Variants in ECT2L observed in about 807,000 individuals in gnomAD.
ECT2L encodes the protein epithelial cell transforming 2 like.
In ECT2L, 126 loss-of-function variants were observed where a neutral mutation model predicts 122.8. That is an observed-to-expected ratio of 1.03 (90% confidence interval 0.89 to 1.19). The LOEUF (loss-of-function observed/expected upper bound fraction) is 1.19. Among genes scored for constraint, ECT2L ranks in the 50% most tolerant of loss-of-function variants. The probability of loss-of-function intolerance (pLI) is 0.00; values close to 1 mark genes in which losing one functional copy is unlikely to be tolerated. For synonymous variants in ECT2L, 385 were observed against 381.8 expected (o/e 1.01, Z -0.10); for missense variants, 1,012 against 1,064.1 (o/e 0.95, Z 0.68).
intron 4 of ECT2L, among the ~76,000 whole-genome samples, chr6:138,824,575 C>CAAAAAA (rs1174829999): frequency 2.3e-5 from 3 of 130,216 alleles, no homozygotes; most frequent in East Asian, 2.6e-4. Context: ...AAACAAAAAA[C>CAAAAAA]AAAAACAAAA....
At chr6:138,855,660 A>T (rs1433829759) in intron 10 of ECT2L, among the ~76,000 whole-genome samples, 2 of 152,240 alleles carry the variant, frequency 1.3e-5, no homozygotes, top group African/African-American at 4.8e-5. Context: ...GGATGGTGTG[A>T]TCTCATTGTT....
intron 4 of ECT2L, among the ~76,000 whole-genome samples, chr6:138,824,220 G>T (rs894043963): frequency 6.6e-6 from 1 of 151,446 alleles, no homozygotes; most frequent in African/African-American, 2.4e-5. Context: ...AACCATTGGG[G>T]AAAACTGGGT....
Position 138,844,491 on chromosome 6 carries a change from C to A in ECT2L, c.675C>A (p.Arg225=), listed in dbSNP as rs540269282. ...SSVLKPRCQP[R]LSQTVRERVG... ...TGCTAAAGCCCAGATGCCAACCACG[C>A]CTCTCCCAGACTGTAAGGGAGCGAG... The change falls in exon 7 of 22, where the codon CGC becomes CGA. Residue 225 remains arginine (R), a synonymous_variant. Transcript: ENST00000541398. The A allele has an allele frequency of 2.5e-5, 40 of 1,614,132 alleles. No individual in the cohort carries two copies. The South Asian group carries it at 3.5e-4, about 14-fold the overall frequency.
At chr6:138,819,248 A>AG (rs1562456408) in intron 4 of ECT2L, among the ~76,000 whole-genome samples, 2 of 85,030 alleles carry the variant, frequency 2.4e-5, no homozygotes, top group African/African-American at 4.3e-5. Context: ...AAAAAAAAAA[A>AG]AAAGGAAATC....
chr6:138,861,491 CT>C (rs1261665888), intron 10 of ECT2L, among the ~76,000 whole-genome samples: 5 of 152,176 alleles, frequency 3.3e-5, no homozygotes, highest in African/African-American at 1.2e-4. Flanking sequence ...TGATGATGAG[CT>C]TTTTTTCATG....
At chr6:138,825,141 C>A (rs941001753) in intron 4 of ECT2L, among the ~76,000 whole-genome samples, 1 of 152,120 alleles carries the variant, frequency 6.6e-6, no homozygotes, top group South Asian at 2.1e-4. Flanking sequence ...GGGATATTTA[C>A]GCTGGAGTCT....
chr6:138,820,526 C>T lies in ECT2L; in HGVS notation c.179+5923C>T, dbSNP rs1181480092. 2.6e-5 allele frequency among the ~76,000 whole-genome samples: 4 copies of T among 151,658 alleles called. No homozygotes were observed. The South Asian group carries it at 6.2e-4, about 24-fold the overall frequency. On this transcript the variant is annotated intron_variant, in intron 4 of 21. Coordinates refer to ENST00000541398, the MANE Select transcript of ECT2L (RefSeq NM_001077706.3). ...TTGAATTTGCTAAATCTGAAGCTGCCGTTAATTGTTTACAGTGAAAGGAAG... is the reference window on the plus strand; with the variant it reads ...TTGAATTTGCTAAATCTGAAGCTGCTGTTAATTGTTTACAGTGAAAGGAAG...
chr6:138,825,344 C>A (rs2128380110), intron 4 of ECT2L, among the ~76,000 whole-genome samples: 1 of 152,300 alleles, frequency 6.6e-6, no homozygotes, highest in Admixed American at 6.5e-5. Flanking sequence ...CTTTGGGAGG[C>A]TGAGGCGGGT....
chr6:138,854,276 T>G (rs760969520), intron 10 of ECT2L, 122 bp downstream of exon 10: 140 of 1,173,246 alleles, frequency 1.2e-4, no homozygotes, highest in Middle Eastern at 7.2e-4. Context: ...AATTTCTTTT[T>G]TCTTTGTACT....
chr6:138,811,106 CT>C (rs1292574533), intron 1 of ECT2L, among the ~76,000 whole-genome samples: 1 of 152,210 alleles, frequency 6.6e-6, no homozygotes, highest in Non-Finnish European at 1.5e-5. Context: ...GATGTCCCTT[CT>C]GAGGTTAGGC....
At chr6:138,824,554 ACTAT>A (rs1400871760) in intron 4 of ECT2L, among the ~76,000 whole-genome samples, 1 of 65,008 alleles carries the variant, frequency 1.5e-5, no homozygotes, top group African/African-American at 7.3e-5. Flanking sequence ...AAAAAAAAAA[ACTAT>A]AAAAAAAAAC....
At position 138,886,937 on chromosome 6, in the gene ECT2L, G is replaced by T. The variant is rs760367010; in HGVS notation, c.2325+15G>T. On this transcript the variant is annotated intron_variant, in intron 19 of 21. Coordinates refer to ENST00000541398, the MANE Select transcript of ECT2L (RefSeq NM_001077706.3). ...GGGGATGCCCTGTATGTATTCTTAG[G>T]AACTTGCTGTATCTCATGCTCATGA... 8.1e-6 allele frequency: 13 copies of T among 1,604,442 alleles called. No homozygotes were observed. The highest frequency in any genetic ancestry group is 1.1e-5 in the Non-Finnish European group (13 of 1,172,508).
intron 20 of ECT2L, among the ~76,000 whole-genome samples, chr6:138,895,662 C>T (rs745617567): frequency 3.3e-5 from 5 of 151,106 alleles, no homozygotes; most frequent in Admixed American, 6.6e-5. Flanking sequence ...CCTCTGCCTC[C>T]GGGGTTCAAG....
chr6:138,826,761 G>C (rs139665557), intron 4 of ECT2L, among the ~76,000 whole-genome samples: 362 of 152,200 alleles, frequency 2.4e-3, no homozygotes, highest in African/African-American at 8.5e-3. Context: ...GGTGAGATCT[G>C]GCGGGAGGTG....
intron 13 of ECT2L, among the ~76,000 whole-genome samples, chr6:138,873,894 G>GTGTGTA (rs1554277003): frequency 6.3e-4 from 92 of 145,928 alleles, no homozygotes; most frequent in Non-Finnish European, 8.7e-4. Context: ...GTGTGTGTGT[G>GTGTGTA]TGTGTGTGTG....
chr6:138,796,430 C>A lies in ECT2L; in HGVS notation c.-244+238C>A, dbSNP rs142802060. Among the ~76,000 whole-genome samples, 5 of 152,308 alleles carry A rather than the reference C, an allele frequency of 3.3e-5. No homozygotes were observed. In the East Asian group the frequency reaches 9.7e-4, roughly 29 times the overall value. On this transcript the variant is annotated intron_variant, in intron 1 of 21. Transcript: ENST00000541398. ...GCGTAGGGTAGGGTTTGCATCGGGC[C>A]ATGCCAAGTAAACTCTTACCTCCTC...
At chr6:138,867,782 T>C (rs909185952) in intron 12 of ECT2L, among the ~76,000 whole-genome samples, 2 of 151,834 alleles carry the variant, frequency 1.3e-5, no homozygotes, top group African/African-American at 4.8e-5. Flanking sequence ...TGAGCCCAGA[T>C]TGCGCCACTG....
chr6:138,866,310 G>C (rs2128400559), intron 12 of ECT2L, among the ~76,000 whole-genome samples: 1 of 152,168 alleles, frequency 6.6e-6, no homozygotes, highest in South Asian at 2.1e-4. Context: ...GCCATGCCTG[G>C]CCAATTTTTA....
At chr6:138,859,455 G>A (rs542005874) in intron 10 of ECT2L, among the ~76,000 whole-genome samples, 2 of 152,310 alleles carry the variant, frequency 1.3e-5, no homozygotes, top group Admixed American at 1.3e-4. Flanking sequence ...GAAAACACCA[G>A]CTAAACTGAT....
Sources: allele counts gnomAD v4.1 joint callset (sites outside exome capture counted in the v4.1 genomes callset), GRCh38; gene constraint gnomAD v4.1.1; transcripts MANE v1.5; gene names NCBI Gene and HGNC (gene_info 2026-07-23, HGNC 2026-07-21).